PLPP1: variants seen among roughly 807,000 people sequenced by gnomAD.
PLPP1 encodes the protein phospholipid phosphatase 1.
Under a neutral mutation model 31.2 loss-of-function variants are expected in PLPP1, and 24 were observed. That is an observed-to-expected ratio of 0.77 (90% CI 0.56 to 1.08). The LOEUF is 1.08. Ranked by LOEUF, PLPP1 falls within the 50% of genes least tolerant of loss-of-function variation. The pLI is 0.00. For synonymous variants in PLPP1, 146 were observed against 126.3 expected (o/e 1.16, Z -1.05); for missense variants, 319 against 342.7 (o/e 0.93, Z 0.55).
At chr5:55,526,931 CA>C (rs34267008) in intron 1 of PLPP1, among the ~76,000 whole-genome samples, 143 of 75,500 alleles carry the variant, frequency 1.9e-3, no homozygotes, top group African/African-American at 7.6e-3. Flanking sequence ...GATTCCATCT[CA>C]AAAAAAAAAA....
intron 3 of PLPP1, among the ~76,000 whole-genome samples, chr5:55,457,597 T>C (rs2111755553): frequency 6.6e-6 from 1 of 152,148 alleles, no homozygotes; most frequent in East Asian, 1.9e-4. Flanking sequence ...AGAGAAATAA[T>C]ATATGTATGA....
chr5:55,474,626 A>G (rs915323906), intron 2 of PLPP1, among the ~76,000 whole-genome samples: 4 of 152,226 alleles, frequency 2.6e-5, no homozygotes, highest in Non-Finnish European at 5.9e-5. Flanking sequence ...TCTCCTGTGT[A>G]TGATATGATC....
chr5:55,519,798 C>T (rs181089543), intron 1 of PLPP1, among the ~76,000 whole-genome samples: 1 of 151,518 alleles, frequency 6.6e-6, no homozygotes, highest in East Asian at 1.9e-4. Context: ...ATTTTAATTA[C>T]ATTTAGTCAT....
At chr5:55,514,216 A>G (rs1237827193) in intron 1 of PLPP1, among the ~76,000 whole-genome samples, 1 of 151,896 alleles carries the variant, frequency 6.6e-6, no homozygotes, top group Non-Finnish European at 1.5e-5. Context: ...CCATCTCTAC[A>G]AAAGAAACAA....
At chr5:55,486,244 T>C (rs1752772161) in intron 1 of PLPP1, among the ~76,000 whole-genome samples, 1 of 152,178 alleles carries the variant, frequency 6.6e-6, no homozygotes, top group African/African-American at 2.4e-5. Flanking sequence ...TCATGCCCTT[T>C]CCCCATTTTT....
chr5:55,455,428 CA>C lies in PLPP1; in HGVS notation c.491+12440del, dbSNP rs1005946293. On this transcript the variant is annotated intron_variant, in intron 3 of 5. Transcript: ENST00000307259. ...GAAACATGGTGAAACCCTGTCTCTA[CA>C]AAAAAAATACAAAAATTAGCCAAGC... Among the ~76,000 whole-genome samples, 7 of 151,602 alleles carry C rather than the reference CA, an allele frequency of 4.6e-5. 1 individual carries two copies. The Middle Eastern group carries it at 0.02, about 442-fold the overall frequency.
chr5:55,511,898 T>G (rs1753422134), intron 1 of PLPP1, among the ~76,000 whole-genome samples: 1 of 151,382 alleles, frequency 6.6e-6, no homozygotes, highest in Non-Finnish European at 1.5e-5. Flanking sequence ...CTCAATCTCC[T>G]GACCTCGTGA....
chr5:55,486,680 C>T (rs1023972906), intron 1 of PLPP1, among the ~76,000 whole-genome samples: 2 of 151,570 alleles, frequency 1.3e-5, no homozygotes, highest in Admixed American at 6.6e-5. Context: ...TTTGGGAGGC[C>T]GAGGCGGGCA....
At chr5:55,519,731 A>C (rs12153683) in intron 1 of PLPP1, among the ~76,000 whole-genome samples, 2 of 150,152 alleles carry the variant, frequency 1.3e-5, no homozygotes, top group Non-Finnish European at 3.0e-5. Flanking sequence ...GCCTGGACAA[A>C]AGCAAAATTC....
Position 55,534,606 on chromosome 5 carries a change from C to G in PLPP1, c.24G>C (p.Pro8=). 2 of 1,557,682 alleles carry G rather than the reference C, an allele frequency of 1.3e-6. No individual in the cohort carries two copies. The highest frequency in any genetic ancestry group is 4.9e-5 in the East Asian group (2 of 40,826). The change falls in exon 1 of 6, where the codon CCG becomes CCC. Residue 8 remains proline, a synonymous_variant. Transcript: ENST00000307259. ...CGCAGAGCACATCGAGGGCCACGTA[C>G]GGCAGCCGCGTCTTGTCAAACATGG... The part of the protein sequence containing the change: MFDKTRL[P]YVALDVLCVL...
intron 3 of PLPP1, among the ~76,000 whole-genome samples, chr5:55,452,699 T>C (rs1354227424): frequency 6.6e-6 from 1 of 152,208 alleles, no homozygotes; most frequent in Non-Finnish European, 1.5e-5. Flanking sequence ...ATTGAATTTA[T>C]GGATCACCCT....
chr5:55,433,875 G>T lies in PLPP1; in HGVS notation c.550-7836C>A, dbSNP rs528566851. 4.6e-5 allele frequency among the ~76,000 whole-genome samples: 7 copies of T among 151,810 alleles called. No homozygotes were observed. In the South Asian group the frequency reaches 1.3e-3, roughly 27 times the overall value. On this transcript the variant is annotated intron_variant, in intron 4 of 5. Transcript: ENST00000307259. ...GGTCAGGCCTGGCATTGTGGCTTAC[G>T]CCTGTAATCCCAGCACTTTGGGAGG...
chr5:55,428,979 T>C (rs1422116603), intron 4 of PLPP1, among the ~76,000 whole-genome samples: 1 of 152,080 alleles, frequency 6.6e-6, no homozygotes, highest in Non-Finnish European at 1.5e-5. Flanking sequence ...GTCAGTCCTA[T>C]TTGGACCACA....
intron 5 of PLPP1, 116 bp downstream of exon 5, chr5:55,425,747 T>C: frequency 2.1e-6 from 2 of 950,644 alleles, no homozygotes; most frequent in Non-Finnish European, 3.0e-6. Context: ...ACATTGAGAT[T>C]CTTGCCCACT....
At chr5:55,507,307 C>G (rs1384034845) in intron 1 of PLPP1, among the ~76,000 whole-genome samples, 2 of 152,076 alleles carry the variant, frequency 1.3e-5, no homozygotes, top group Admixed American at 1.3e-4. Context: ...ATCTGGCACT[C>G]AGAAAAGAAT....
intron 1 of PLPP1, among the ~76,000 whole-genome samples, chr5:55,531,540 C>T (rs1740670319): frequency 6.6e-6 from 1 of 152,216 alleles, no homozygotes; most frequent in Admixed American, 6.5e-5. Flanking sequence ...ACCACTTTCA[C>T]AAAACCCTGC....
intron 1 of PLPP1, chr5:55,508,862 T>C (rs1312328198): frequency 6.5e-6 from 1 of 154,188 alleles, no homozygotes; most frequent in Non-Finnish European, 1.5e-5. Context: ...TGTACTTATT[T>C]GACCCTAAAA....
intron 4 of PLPP1, among the ~76,000 whole-genome samples, chr5:55,434,727 A>G (rs1280714850): frequency 6.6e-6 from 1 of 152,208 alleles, no homozygotes; most frequent in South Asian, 2.1e-4. Flanking sequence ...CCATATGCAG[A>G]AGAATGAAAT....
At chr5:55,442,597 G>A (rs546231740) in intron 3 of PLPP1, among the ~76,000 whole-genome samples, 29 of 151,404 alleles carry the variant, frequency 1.9e-4, no homozygotes, top group South Asian at 1.0e-3. Context: ...GGCTGCAGTG[G>A]GCCGAGATCG....
Sources: gnomAD v4.1 joint callset for allele counts (sites outside exome capture counted in the v4.1 genomes callset) on GRCh38, gnomAD v4.1.1 for gene constraint, MANE v1.5 for transcripts, NCBI Gene and HGNC (gene_info 2026-07-23, HGNC 2026-07-21) for gene names.